CPAMD8: variants seen among roughly 807,000 people sequenced by gnomAD.
The protein encoded by CPAMD8 is C3 and PZP-like alpha-2-macroglobulin domain-containing protein 8.
In CPAMD8, 146 loss-of-function variants were observed where a neutral mutation model predicts 224.7. That is an observed-to-expected ratio of 0.65 (90% CI 0.57 to 0.75). CPAMD8 has a LOEUF of 0.75. CPAMD8 is among the 30% of genes least tolerant of loss of function. The pLI, the probability that CPAMD8 is intolerant of heterozygous loss-of-function variation, is 0.00. For synonymous variants in CPAMD8, 966 were observed against 1,044.6 expected (o/e 0.92, Z 1.45); for missense variants, 2,301 against 2,537.5 (o/e 0.91, Z 2.00).
At chr19:17,024,886 C>T (rs1344431109) in intron 1 of CPAMD8, among the ~76,000 whole-genome samples, 1 of 152,216 alleles carries the variant, frequency 6.6e-6, no homozygotes, top group Non-Finnish European at 1.5e-5. Context: ...ACACAAAAAT[C>T]TCTCAGGTGA....
In CPAMD8 at chr19:16,903,626, G is replaced by A. The variant is rs1260223143; in HGVS notation, c.4408-3C>T. 2 of 1,613,962 alleles carry A rather than the reference G, an allele frequency of 1.2e-6. No individual in the cohort carries two copies. The highest frequency in any genetic ancestry group is 1.7e-6 in the Non-Finnish European group (2 of 1,180,022). ...AGCCCCGTGGGGAGGCTGGGGATCT[G>A]GAGACAGAAGTCACCGTGAGGCCCT... On this transcript the variant is annotated splice_polypyrimidine_tract_variant and splice_region_variant and intron_variant, in intron 33 of 41. Transcript: ENST00000443236.
chr19:16,915,291 G>A (rs2052905351), intron 27 of CPAMD8, among the ~76,000 whole-genome samples: 1 of 152,118 alleles, frequency 6.6e-6, no homozygotes, highest in Admixed American at 6.6e-5. Context: ...TCTGAGCCTG[G>A]GAATGGCTTT....
chr19:16,980,453 T>C, intron 14 of CPAMD8, 44 bp downstream of exon 14: 2 of 1,582,100 alleles, frequency 1.3e-6, no homozygotes, highest in South Asian at 1.1e-5. Flanking sequence ...GTCTCAATTG[T>C]TCAGAAGGAA....
rs370381602 is a variant in CPAMD8, at chr19:16,997,235, C to G, written c.971G>C (p.Ser324Thr). ...CGCGACCTGCTGGCTCCCGTCCACA[C>G]TGGTCACCATGGCCCAGATGCTGAC... Reference protein sequence around the residue: ...GRVSIWAMVTSVDGSQQVAFD... With the variant: ...GRVSIWAMVTTVDGSQQVAFD... The change falls in exon 11 of 42, where the codon AGT becomes ACT. Residue 324 changes from serine to threonine, a missense_variant. Physicochemically the swap from Ser to Thr is moderately conservative, Grantham distance 58. Transcript: ENST00000443236. 2.4e-5 allele frequency: 37 copies of G among 1,561,258 alleles called. No homozygotes were observed. The highest frequency in any genetic ancestry group is 2.9e-5 in the Non-Finnish European group (33 of 1,132,794).
At chr19:16,940,851 C>G (rs1455172457) in intron 22 of CPAMD8, among the ~76,000 whole-genome samples, 2 of 152,240 alleles carry the variant, frequency 1.3e-5, no homozygotes, top group African/African-American at 4.8e-5. Context: ...TCAGTAACCC[C>G]CCATCTACCT....
At chr19:16,957,747 A>T in intron 19 of CPAMD8, 106 bp downstream of exon 19, 1 of 1,000,660 alleles carries the variant, frequency 1.0e-6, no homozygotes, top group South Asian at 1.4e-5. Flanking sequence ...TGTCTTGCTC[A>T]GATGTTGGTA....
At chr19:16,900,524 G>A (rs2052209580) in intron 36 of CPAMD8, among the ~76,000 whole-genome samples, 1 of 152,102 alleles carries the variant, frequency 6.6e-6, no homozygotes, top group Admixed American at 6.6e-5. Flanking sequence ...CTTGAACCGG[G>A]GAGGTGGAGG....
intron 12 of CPAMD8, among the ~76,000 whole-genome samples, chr19:16,990,863 CAAAAAAAAAAAAAAAAAAA>C (rs3067791): frequency 9.7e-4 from 71 of 73,144 alleles, no homozygotes; most frequent in Non-Finnish European, 1.4e-3. Flanking sequence ...AACTCTGTCT[CAAAAAAAAAAAAAAAAAAA>C]AAAAAAAAAA....
chr19:17,007,958 T>G (rs1414741107), intron 7 of CPAMD8, among the ~76,000 whole-genome samples: 2 of 152,020 alleles, frequency 1.3e-5, no homozygotes, highest in Non-Finnish European at 1.5e-5. Context: ...ACCTGAGAGG[T>G]CAGGAGTTGG....
chr19:17,013,660 G>T (rs1413553824), intron 3 of CPAMD8, among the ~76,000 whole-genome samples: 2 of 151,834 alleles, frequency 1.3e-5, no homozygotes, highest in African/African-American at 4.8e-5. Flanking sequence ...AGGGAGTGGG[G>T]AGTGACTACT....
chr19:16,944,679 C>T (rs1355758621), intron 22 of CPAMD8, among the ~76,000 whole-genome samples: 2 of 152,082 alleles, frequency 1.3e-5, no homozygotes, highest in Non-Finnish European at 2.9e-5. Context: ...CACTCTTGTC[C>T]CCAAGGAATC....
At chr19:17,017,327 T>A (rs1233009751) in intron 3 of CPAMD8, among the ~76,000 whole-genome samples, 1 of 152,160 alleles carries the variant, frequency 6.6e-6, no homozygotes, top group Non-Finnish European at 1.5e-5. Flanking sequence ...CGTTATATAT[T>A]ACAGTGTAAT....
rs548166491 is a variant in CPAMD8, at chr19:17,005,578, G to A, written c.560-1192C>T. On this transcript the variant is annotated intron_variant, in intron 7 of 41. Transcript: ENST00000443236. ...TGGGAGCCATGGAGGAGTTGGAAAGGGCACATTGACTCTAGGCAGTGCCAG... is the reference window on the plus strand; with the variant it reads ...TGGGAGCCATGGAGGAGTTGGAAAGAGCACATTGACTCTAGGCAGTGCCAG... Among the ~76,000 whole-genome samples, 21 of 152,222 alleles carry A rather than the reference G, an allele frequency of 1.4e-4. No individual in the cohort carries two copies. The Middle Eastern group carries it at 0.01, about 74-fold the overall frequency.
intron 22 of CPAMD8, among the ~76,000 whole-genome samples, chr19:16,939,538 A>C (rs1394259797): frequency 2.0e-5 from 3 of 152,022 alleles, no homozygotes; most frequent in Non-Finnish European, 4.4e-5. Flanking sequence ...TGTCAACTGG[A>C]CTGGGCTCCA....
In CPAMD8 at chr19:17,007,897, G is replaced by A. The variant is rs186331159; in HGVS notation, c.559+608C>T. ...AGAAGCTGGGAGCAGGCCGGGCGTG[G>A]TGGCTCACGCCTGTAATCCCACCAC... On this transcript the variant is annotated intron_variant, in intron 7 of 41. Transcript: ENST00000443236. Among the ~76,000 whole-genome samples, 29 of 152,370 alleles carry A rather than the reference G, an allele frequency of 1.9e-4. No individual in the cohort carries two copies. The East Asian group carries it at 5.4e-3, about 28-fold the overall frequency.
At chr19:17,001,295 T>C (rs1261064359) in intron 9 of CPAMD8, among the ~76,000 whole-genome samples, 2 of 120,856 alleles carry the variant, frequency 1.7e-5, no homozygotes, top group Non-Finnish European at 3.2e-5. Flanking sequence ...CACTCCAGCC[T>C]GGGCGACAGA....
chr19:16,983,952 T>C (rs778434041), intron 13 of CPAMD8, among the ~76,000 whole-genome samples: 4 of 152,138 alleles, frequency 2.6e-5, no homozygotes, highest in African/African-American at 9.7e-5. Context: ...TTTCAAAACT[T>C]ACTACAAAGC....
In CPAMD8 at chr19:16,975,992, G is replaced by T. The variant is rs1308566303; in HGVS notation, c.1908+10C>A. On this transcript the variant is annotated intron_variant, in intron 16 of 41. Coordinates refer to ENST00000443236, the MANE Select transcript of CPAMD8 (RefSeq NM_015692.5). ...GAGGTCTAGAACCCAAGCCCGAGGG[G>T]TCTGCTCACCTGGGCAGGAGTCAGC... 5 of 1,578,132 alleles carry T rather than the reference G, an allele frequency of 3.2e-6. No homozygotes were observed. The South Asian group carries it at 3.4e-5, about 11-fold the overall frequency.
At chr19:16,938,121 A>T (rs990311324) in intron 23 of CPAMD8, among the ~76,000 whole-genome samples, 2 of 151,944 alleles carry the variant, frequency 1.3e-5, no homozygotes, top group Non-Finnish European at 2.9e-5. Context: ...TGCAGTGCAC[A>T]TTCCTGTGTA....
Sources: allele counts gnomAD v4.1 joint callset (sites outside exome capture counted in the v4.1 genomes callset), GRCh38; gene constraint gnomAD v4.1.1; transcripts MANE v1.5; gene names NCBI Gene and HGNC (gene_info 2026-07-23, HGNC 2026-07-21).